TTC39C: variants seen among roughly 807,000 people sequenced by gnomAD.
The protein encoded by TTC39C is tetratricopeptide repeat protein 39C.
Under a neutral mutation model 76.3 loss-of-function variants are expected in TTC39C, and 33 were observed. That is an observed-to-expected ratio of 0.43 (90% CI 0.33 to 0.58). TTC39C has a LOEUF of 0.58. TTC39C is among the 20% of genes least tolerant of loss of function. The probability of loss-of-function intolerance (pLI) is 0.04; values close to 1 mark genes in which losing one functional copy is unlikely to be tolerated. For missense variants in TTC39C, 595 were observed against 701.4 expected, an observed-to-expected ratio of 0.85 and a Z score of 1.71; for synonymous variants, 254 against 260.6, an observed-to-expected ratio of 0.97 and a Z score of 0.24.
At chr18:24,103,002 T>C (rs983826796) in intron 6 of TTC39C, among the ~76,000 whole-genome samples, 1 of 151,952 alleles carries the variant, frequency 6.6e-6, no homozygotes, top group African/African-American at 2.4e-5. Flanking sequence ...TTTGGGAGGC[T>C]GAGGTGGGAG....
chr18:24,083,064 C>A lies in TTC39C; in HGVS notation c.967C>A (p.Arg323=). Residue 323 remains arginine, a synonymous_variant, in exon 6 of 14, where the codon CGG becomes AGG. Coordinates refer to ENST00000317571, the MANE Select transcript of TTC39C (RefSeq NM_001135993.2). ...NSSLFMFFKG[R]IQRLECQINS... is the part of the protein sequence containing the mutation. The stretch of plus-strand genomic sequence containing the variant: ...TTCCCTCTTTATGTTTTTCAAGGGA[C>A]GGATACAACGACTAGAGGTACTGTA... The A allele has an allele frequency of 6.2e-7, 1 of 1,613,824 alleles. No homozygotes were observed. Among genetic ancestry groups the A allele is most frequent in the Non-Finnish European group, 8.5e-7 (1 of 1,179,824 alleles).
At chr18:24,069,392 G>GATACTGATT in intron 4 of TTC39C, 121 bp downstream of exon 4, 1 of 775,420 alleles carries the variant, frequency 1.3e-6, no homozygotes, top group Admixed American at 2.5e-5. Flanking sequence ...TTTGGGGCAT[G>GATACTGATT]ATACTGATTT....
chr18:24,026,304 G>C (rs747801311), intron 1 of TTC39C, among the ~76,000 whole-genome samples: 25 of 152,166 alleles, frequency 1.6e-4, no homozygotes, highest in Non-Finnish European at 2.9e-4. Flanking sequence ...TTTTTGCTAA[G>C]TAGGTTGTGC....
At chr18:24,125,318 G>A in intron 9 of TTC39C, 109 bp from the exon 10 acceptor site, 1 of 1,342,924 alleles carries the variant, frequency 7.4e-7, no homozygotes, top group East Asian at 2.4e-5. Context: ...TTGAAGGAGA[G>A]GGTCATTCAC....
At chr18:24,116,225 T>C (rs1455564591) in intron 7 of TTC39C, among the ~76,000 whole-genome samples, 1 of 152,228 alleles carries the variant, frequency 6.6e-6, no homozygotes, top group Non-Finnish European at 1.5e-5. Context: ...CCAATCTTTC[T>C]CCGCTATCTA....
chr18:24,108,618 TA>T (rs1432902087), intron 6 of TTC39C, among the ~76,000 whole-genome samples: 1 of 152,248 alleles, frequency 6.6e-6, no homozygotes, highest in Non-Finnish European at 1.5e-5. Flanking sequence ...TTGAGATCTT[TA>T]TATAGGGCTT....
At chr18:24,049,124 T>C (rs2083920010) in intron 1 of TTC39C, among the ~76,000 whole-genome samples, 1 of 152,232 alleles carries the variant, frequency 6.6e-6, no homozygotes, top group Admixed American at 6.5e-5. Context: ...TGTAAAATAA[T>C]GTTTTAAAGA....
chr18:24,132,459 A>G, intron 13 of TTC39C, 26 bp from the exon 14 acceptor site: 2 of 1,608,850 alleles, frequency 1.2e-6, no homozygotes, highest in South Asian at 1.1e-5. Flanking sequence ...AACAGAGTGC[A>G]TAAATATCTT....
chr18:23,993,292 T>C (rs956228979), intron 1 of TTC39C, among the ~76,000 whole-genome samples: 4 of 152,224 alleles, frequency 2.6e-5, no homozygotes, highest in African/African-American at 9.7e-5. Flanking sequence ...ATCTCTGCTA[T>C]TTTTCAACAA....
In TTC39C at chr18:24,015,152, C is replaced by A. The variant is rs557412974; in HGVS notation, c.167+114C>A. ...CTCCCCCTCCTGTCGGTCACCGATTCCGGTCCTCAGGTCTCCTCCCTGGCA... is the reference window on the plus strand; with the variant it reads ...CTCCCCCTCCTGTCGGTCACCGATTACGGTCCTCAGGTCTCCTCCCTGGCA... On this transcript the variant is annotated intron_variant, in intron 1 of 13. Coordinates refer to ENST00000317571, the MANE Select transcript of TTC39C (RefSeq NM_001135993.2). The A allele has an allele frequency of 6.9e-6, 7 of 1,016,974 alleles. No individual in the cohort carries two copies. In the South Asian group the frequency reaches 1.3e-4, roughly 19 times the overall value. The allele number at this position is 1,016,974 out of a possible 1,614,324, so 63.0% of individuals were successfully genotyped here. A position where few individuals can be genotyped will look rare whatever the true frequency, so the allele number is the denominator to read the frequency against.
upstream of TTC39C, among the ~76,000 whole-genome samples, chr18:24,010,611 C>A (rs1334791941): frequency 1.3e-5 from 2 of 152,182 alleles, no homozygotes; most frequent in African/African-American, 4.8e-5. Flanking sequence ...ATTTTGGGAA[C>A]CTGTATTTAT....
chr18:24,075,954 G>A (rs559980800), intron 4 of TTC39C, among the ~76,000 whole-genome samples: 19 of 152,160 alleles, frequency 1.2e-4, no homozygotes, highest in South Asian at 8.3e-4. Context: ...GTTTCCTCTC[G>A]CCCCCTCCAT....
chr18:24,047,924 A>G (rs1454433978), intron 1 of TTC39C, among the ~76,000 whole-genome samples: 1 of 152,202 alleles, frequency 6.6e-6, no homozygotes, highest in Non-Finnish European at 1.5e-5. Context: ...ATAAATATAT[A>G]CACCTATGTA....
intron 1 of TTC39C, among the ~76,000 whole-genome samples, chr18:23,999,386 G>T (rs1246874528): frequency 6.6e-6 from 1 of 152,192 alleles, no homozygotes; most frequent in African/African-American, 2.4e-5. Flanking sequence ...CTCTCTGGAT[G>T]GGCCATATGG....
intron 7 of TTC39C, among the ~76,000 whole-genome samples, chr18:24,116,704 CAG>C (rs1190280444): frequency 6.6e-6 from 1 of 151,650 alleles, no homozygotes; most frequent in African/African-American, 2.4e-5. Flanking sequence ...CACCTGATAA[CAG>C]AATATTTTTT....
At chr18:24,084,690 C>T (rs753613867) in intron 6 of TTC39C, among the ~76,000 whole-genome samples, 28 of 152,164 alleles carry the variant, frequency 1.8e-4, no homozygotes, top group South Asian at 6.2e-4. Flanking sequence ...GGGTCTCACC[C>T]TGTTGCCCAG....
intron 1 of TTC39C, among the ~76,000 whole-genome samples, chr18:24,027,673 C>T (rs2083615788): frequency 6.6e-6 from 1 of 152,038 alleles, no homozygotes; most frequent in African/African-American, 2.4e-5. Context: ...CATCCTCCCG[C>T]CTTAGCCTCC....
intron 6 of TTC39C, among the ~76,000 whole-genome samples, chr18:24,106,133 G>A (rs1446081297): frequency 6.6e-6 from 1 of 152,140 alleles, no homozygotes; most frequent in Admixed American, 6.5e-5. Flanking sequence ...TCCAAATAAG[G>A]TCACATTCTG....
chr18:24,049,762 T>C (rs536261141), intron 1 of TTC39C, among the ~76,000 whole-genome samples: 8 of 152,334 alleles, frequency 5.3e-5, no homozygotes, highest in African/African-American at 1.9e-4. Flanking sequence ...CATTTTTATT[T>C]TGTTTTGGGA....
Sources: allele counts gnomAD v4.1 joint callset (sites outside exome capture counted in the v4.1 genomes callset), GRCh38; gene constraint gnomAD v4.1.1; transcripts MANE v1.5; gene names NCBI Gene and HGNC (gene_info 2026-07-23, HGNC 2026-07-21).